The following VPS13D variants were observed in gnomAD, a reference collection of about 807,000 sequenced individuals.
VPS13D encodes vacuolar protein sorting 13 homolog D, also known as intermembrane lipid transfer protein VPS13D.
Under a neutral mutation model 461.9 loss-of-function variants are expected in VPS13D, and 187 were observed. The observed-to-expected ratio is 0.40, with a 90% CI of 0.36 to 0.46. VPS13D has a LOEUF of 0.46. Among genes scored for constraint, VPS13D ranks in the 20% least tolerant of loss-of-function variants. The probability of loss-of-function intolerance (pLI) is 0.60; values close to 1 mark genes in which losing one functional copy is unlikely to be tolerated. For missense variants in VPS13D, 4,711 were observed against 5,364.9 expected (o/e 0.88, Z 3.81); for synonymous variants, 1,951 against 1,986.3 (o/e 0.98, Z 0.47).
intron 67 of VPS13D, among the ~76,000 whole-genome samples, chr1:12,462,794 G>A (rs1645429313): frequency 6.6e-6 from 1 of 152,178 alleles, no homozygotes; most frequent in Non-Finnish European, 1.5e-5. Context: ...GACCAACACT[G>A]CATTTTTGTC....
chr1:12,468,745 A>G (rs12085066), intron 67 of VPS13D, among the ~76,000 whole-genome samples: 5,572 of 152,318 alleles, frequency 0.037, 344 homozygotes, highest in African/African-American at 0.13. Context: ...AATATACTCT[A>G]AAAGAGGCTG....
chr1:12,293,409 T>C, intron 23 of VPS13D, 115 bp from the exon 24 acceptor site: 2 of 1,021,024 alleles, frequency 2.0e-6, no homozygotes, highest in Non-Finnish European at 2.8e-6. Context: ...ATTTTGGATT[T>C]CCATTTAATA....
intron 53 of VPS13D, among the ~76,000 whole-genome samples, chr1:12,368,912 C>T (rs922121216): frequency 2.6e-5 from 4 of 152,110 alleles, no homozygotes; most frequent in Admixed American, 6.5e-5. Flanking sequence ...ATCGGCTTGT[C>T]AGTGACAATG....
intron 41 of VPS13D, among the ~76,000 whole-genome samples, chr1:12,342,107 A>G (rs1398382584): frequency 1.3e-5 from 2 of 152,132 alleles, no homozygotes. Context: ...TTTTTGGTAT[A>G]CCTTATGTTT....
Position 12,321,835 on chromosome 1 carries a change from G to C in VPS13D, c.7575G>C (p.Glu2525Asp), listed in dbSNP as rs1431943564. The part of the protein sequence containing the change: ...IEVFSCRLGN[E>D]HDTALSIVDP... ...TGTTTTCATGCCGACTAGGGAATGA[G>C]CATGATACAGCTCTTTCAATTGTGG... Residue 2525 changes from glutamate to aspartate, a missense_variant, in exon 33 of 70, where the codon GAG becomes GAC. Coordinates refer to ENST00000620676, the MANE Select transcript of VPS13D (RefSeq NM_015378.4). 6.2e-7 allele frequency: 1 copy of C among 1,608,182 alleles called. No individual in the cohort carries two copies. Among genetic ancestry groups the C allele is most frequent in the Non-Finnish European group, 8.5e-7 (1 of 1,178,186 alleles).
rs779911165 is a variant in VPS13D at position 12,314,147 on chromosome 1, A to G, written c.6968A>G (p.Glu2323Gly). 26 of 1,614,040 alleles carry G rather than the reference A, an allele frequency of 1.6e-5. No individual in the cohort carries two copies. The highest frequency in any genetic ancestry group is 2.1e-5 in the Non-Finnish European group (25 of 1,180,032). ...FDFKKCKLLY[E>G]SFSNQTKSIN... ...TTCAAGAAATGCAAACTGCTCTATG[A>G]AAGTTTTTCCAACCAAACCAAGTCC... Residue 2323 changes from glutamate (E) to glycine (G), a missense_variant, in exon 30 of 70, where the codon GAA (glutamate) becomes GGA (glycine). Around this residue, in one of 3 missense-constraint regions of VPS13D, gnomAD observed 4,411 missense variants for 4,937.8 expected, o/e 0.89. Coordinates refer to ENST00000620676, the MANE Select transcript of VPS13D (RefSeq NM_015378.4).
chr1:12,292,405 A>T (rs1213436074), intron 23 of VPS13D, among the ~76,000 whole-genome samples: 2 of 122,194 alleles, frequency 1.6e-5, no homozygotes, highest in Admixed American at 8.8e-5. Flanking sequence ...ACATATTCTG[A>T]TTTAATTGGT....
intron 60 of VPS13D, among the ~76,000 whole-genome samples, chr1:12,394,742 A>C (rs1557753897): frequency 6.6e-6 from 1 of 152,042 alleles, no homozygotes; most frequent in Non-Finnish European, 1.5e-5. Context: ...ACGTTAAACC[A>C]AAGGAGATCA....
chr1:12,451,503 G>T (rs771478695), intron 65 of VPS13D, among the ~76,000 whole-genome samples: 1 of 152,182 alleles, frequency 6.6e-6, no homozygotes, highest in Non-Finnish European at 1.5e-5. Context: ...TTTCATTTTA[G>T]CTAGAACAAC....
At chr1:12,456,207 A>T (rs987947568) in intron 66 of VPS13D, 77 bp downstream of exon 66, 5 of 1,508,772 alleles carry the variant, frequency 3.3e-6, no homozygotes, top group Non-Finnish European at 4.4e-6. Flanking sequence ...TTGCAGCTAT[A>T]AAAAAAGAAA....
chr1:12,238,704 T>TCCCTGCAGCCTCGAACTTTTG (rs1640247442), intron 2 of VPS13D, among the ~76,000 whole-genome samples: 1 of 150,570 alleles, frequency 6.6e-6, no homozygotes, highest in African/African-American at 2.4e-5. Flanking sequence ...GGATCATAGC[T>TCCCTGCAGCCTCGAACTTTTG]CCCTGCAGCC....
chr1:12,249,817 C>T (rs1034380092), intron 6 of VPS13D, among the ~76,000 whole-genome samples: 2 of 152,202 alleles, frequency 1.3e-5, no homozygotes, highest in African/African-American at 4.8e-5. Context: ...TGACACCAGA[C>T]GTGTGAGGAT....
intron 66 of VPS13D, among the ~76,000 whole-genome samples, chr1:12,457,093 T>C (rs1006918842): frequency 2.6e-5 from 4 of 152,250 alleles, no homozygotes; most frequent in Non-Finnish European, 5.9e-5. Flanking sequence ...CTTTTAATGC[T>C]TTAATTCTGA....
chr1:12,346,465 T>G, intron 43 of VPS13D, 140 bp from the exon 44 acceptor site: 1 of 766,848 alleles, frequency 1.3e-6, no homozygotes, highest in Non-Finnish European at 2.1e-6. Context: ...AGAGGAGATG[T>G]TTTATCTTCA....
intron 32 of VPS13D, among the ~76,000 whole-genome samples, chr1:12,321,153 T>G (rs1037398901): frequency 1.3e-5 from 2 of 152,240 alleles, no homozygotes; most frequent in African/African-American, 2.4e-5. Flanking sequence ...TATTTATTTT[T>G]TAACCTTTTA....
At chr1:12,415,730 A>G (rs1644785360) in intron 64 of VPS13D, among the ~76,000 whole-genome samples, 1 of 152,248 alleles carries the variant, frequency 6.6e-6, no homozygotes, top group South Asian at 2.1e-4. Context: ...CAAATTTAAT[A>G]GCTTTCAAAG....
chr1:12,421,476 C>T (rs1166256400), intron 65 of VPS13D, among the ~76,000 whole-genome samples: 8 of 152,198 alleles, frequency 5.3e-5, no homozygotes. Context: ...GACACTCTAA[C>T]ATCTTTTAAA....
intron 40 of VPS13D, among the ~76,000 whole-genome samples, chr1:12,340,286 C>T (rs937456800): frequency 5.9e-5 from 9 of 152,070 alleles, no homozygotes; most frequent in African/African-American, 2.2e-4. Context: ...TTTGGGGTAT[C>T]TCTAAATGAC....
intron 60 of VPS13D, among the ~76,000 whole-genome samples, chr1:12,399,371 A>AT (rs1361568587): frequency 6.6e-6 from 1 of 151,348 alleles, no homozygotes; most frequent in African/African-American, 2.4e-5. Context: ...TAATTTTTGT[A>AT]TTTGTAGTAG....
Sources: allele counts gnomAD v4.1 joint callset (sites outside exome capture counted in the v4.1 genomes callset), GRCh38; gene constraint gnomAD v4.1.1; regional missense constraint gnomAD v4.1.1; transcripts MANE v1.5; gene names NCBI Gene and HGNC (gene_info 2026-07-23, HGNC 2026-07-21).